Variants in PTPN3 observed in about 807,000 individuals in gnomAD.
PTPN3 encodes the protein tyrosine-protein phosphatase non-receptor type 3.
Under a neutral mutation model 132.7 loss-of-function variants are expected in PTPN3, and 96 were observed. The observed-to-expected ratio is 0.72, with a 90% CI of 0.61 to 0.86. PTPN3 has a LOEUF of 0.86. Among genes scored for constraint, PTPN3 ranks in the 40% least tolerant of loss-of-function variants. The probability of loss-of-function intolerance (pLI) is 0.00; values close to 1 mark genes in which losing one functional copy is unlikely to be tolerated. For missense variants in PTPN3, 1,125 were observed against 1,159.6 expected, an observed-to-expected ratio of 0.97 and a Z score of 0.43; for synonymous variants, 398 against 429.0, an observed-to-expected ratio of 0.93 and a Z score of 0.89.
At chr9:109,407,027 A>T (rs1841623910) in intron 17 of PTPN3, among the ~76,000 whole-genome samples, 1 of 152,230 alleles carries the variant, frequency 6.6e-6, no homozygotes, top group Non-Finnish European at 1.5e-5. Flanking sequence ...TAAGCTTCAC[A>T]ACAGAGGCAA....
intron 5 of PTPN3, among the ~76,000 whole-genome samples, chr9:109,452,233 A>T (rs559847893): frequency 7.3e-6 from 1 of 137,044 alleles, no homozygotes; most frequent in South Asian, 2.3e-4. Flanking sequence ...GCGCCACTGC[A>T]CTCCAGCCTG....
intron 1 of PTPN3, 39 bp from the exon 2 acceptor site, chr9:109,463,490 G>A (rs1465422947): frequency 3.2e-6 from 5 of 1,568,988 alleles, no homozygotes; most frequent in Admixed American, 1.9e-5. Context: ...TTTAATATGC[G>A]AATTGTCAGT....
At chr9:109,468,265 C>A (rs992356260) in intron 1 of PTPN3, among the ~76,000 whole-genome samples, 16 of 152,208 alleles carry the variant, frequency 1.1e-4, no homozygotes, top group Non-Finnish European at 1.8e-4. Context: ...AATATGGAAG[C>A]CAAGCTTGTT....
intron 1 of PTPN3, among the ~76,000 whole-genome samples, chr9:109,476,247 C>T (rs1846660246): frequency 6.6e-6 from 1 of 151,700 alleles, no homozygotes; most frequent in Admixed American, 6.6e-5. Flanking sequence ...ATGGGGTCAG[C>T]AAATTAATGA....
At chr9:109,521,563 T>G in the PTPN3 span, among the ~76,000 whole-genome samples, 92 of 152,200 alleles carry the variant, frequency 6.0e-4, no homozygotes, top group Non-Finnish European at 9.6e-4. Flanking sequence ...CTCTCATCCT[T>G]GGGGTGTCAG....
chr9:109,496,079 G>A (rs2132132500), intron 1 of PTPN3, among the ~76,000 whole-genome samples: 1 of 152,286 alleles, frequency 6.6e-6, no homozygotes, highest in Non-Finnish European at 1.5e-5. Flanking sequence ...ATATTCCCCA[G>A]CTAATGTCTA....
At chr9:109,462,334 G>A (rs1845884499) in intron 2 of PTPN3, among the ~76,000 whole-genome samples, 1 of 152,234 alleles carries the variant, frequency 6.6e-6, no homozygotes, top group Admixed American at 6.5e-5. Flanking sequence ...CCTACATCAA[G>A]GTCCATGATC....
intron 1 of PTPN3, among the ~76,000 whole-genome samples, chr9:109,481,946 A>G (rs1846978595): frequency 6.6e-6 from 1 of 152,216 alleles, no homozygotes; most frequent in Non-Finnish European, 1.5e-5. Flanking sequence ...CATTGTGTAC[A>G]GTCAGAAACT....
At chr9:109,423,743 G>A (rs1843044875) in intron 12 of PTPN3, among the ~76,000 whole-genome samples, 1 of 152,186 alleles carries the variant, frequency 6.6e-6, no homozygotes. Flanking sequence ...AATTATTTGA[G>A]AGAATAGAGC....
intron 22 of PTPN3, among the ~76,000 whole-genome samples, chr9:109,387,191 A>T (rs1225172304): frequency 6.6e-6 from 1 of 152,186 alleles, no homozygotes; most frequent in African/African-American, 2.4e-5. Context: ...GATGTGTCCT[A>T]TCAACAAATG....
At chr9:109,517,611 T>C in the PTPN3 span, among the ~76,000 whole-genome samples, 1 of 152,192 alleles carries the variant, frequency 6.6e-6, no homozygotes, top group African/African-American at 2.4e-5. Flanking sequence ...ATAGGTATTT[T>C]GATTTAGTAG....
chr9:109,471,061 C>CTT (rs370759165), intron 1 of PTPN3, among the ~76,000 whole-genome samples: 18 of 143,622 alleles, frequency 1.3e-4, no homozygotes, highest in East Asian at 2.0e-4. Context: ...ACATACGCAT[C>CTT]TTTTTTTTTT....
At chr9:109,390,036 C>T (rs1341852887) in intron 21 of PTPN3, among the ~76,000 whole-genome samples, 3 of 152,190 alleles carry the variant, frequency 2.0e-5, no homozygotes, top group Non-Finnish European at 4.4e-5. Context: ...CTCAGGTGAG[C>T]AAGGTAAAGG....
chr9:109,399,979 A>C (rs1840945870), intron 19 of PTPN3, among the ~76,000 whole-genome samples: 4 of 150,402 alleles, frequency 2.7e-5, no homozygotes, highest in African/African-American at 9.8e-5. Context: ...CCTGGCTGGA[A>C]TGCATTGGAG....
chr9:109,443,157 C>G (rs1364128684), intron 7 of PTPN3, among the ~76,000 whole-genome samples: 2 of 151,000 alleles, frequency 1.3e-5, no homozygotes, highest in African/African-American at 4.9e-5. Context: ...CTCACTGCAG[C>G]CTCAACCTCT....
At chr9:109,439,596 G>C (rs564957243) in intron 7 of PTPN3, among the ~76,000 whole-genome samples, 1 of 152,312 alleles carries the variant, frequency 6.6e-6, no homozygotes, top group Non-Finnish European at 1.5e-5. Context: ...CTGCTTGGGT[G>C]AATTTCACCA....
In PTPN3 at chr9:109,435,785, A is replaced by G. The variant is rs184395643; in HGVS notation, c.675+1098T>C. On this transcript the variant is annotated intron_variant, in intron 9 of 25. Coordinates refer to ENST00000374541, the MANE Select transcript of PTPN3 (RefSeq NM_002829.4). ...AGTTCTCTGAAACATTCTATCTAAG[A>G]TAAAATATTATTTGCAAATGGAATA... Among the ~76,000 whole-genome samples the G allele has an allele frequency of 5.1e-4, 77 of 152,352 alleles. No homozygotes were observed. The East Asian group carries it at 0.013, about 26-fold the overall frequency.
chr9:109,508,891 T>G, the PTPN3 span, among the ~76,000 whole-genome samples: 1 of 152,066 alleles, frequency 6.6e-6, no homozygotes, highest in East Asian at 1.9e-4. Flanking sequence ...CCAAGAGTCA[T>G]CTAGTTGTGT....
In PTPN3 at chr9:109,382,439, T is replaced by C; in HGVS notation, c.2391A>G (p.Glu797=). The change falls in exon 24 of 26, where the codon GAA becomes GAG. Residue 797 remains glutamate (E), a synonymous_variant. Transcript: ENST00000374541. ...EMLVTNTQTG[E]EHTVTHLQYV... is the part of the protein sequence containing the mutation. ...ACTGGAGATGTGTCACTGTGTGTTC[T>C]TCCCCGGTCTGTGGGAGATGCAGTG... The C allele has an allele frequency of 6.2e-7, 1 of 1,614,156 alleles. No individual in the cohort carries two copies. The highest frequency in any genetic ancestry group is 8.5e-7 in the Non-Finnish European group (1 of 1,180,044).
Sources: gnomAD v4.1 joint callset for allele counts (sites outside exome capture counted in the v4.1 genomes callset) on GRCh38, gnomAD v4.1.1 for gene constraint, MANE v1.5 for transcripts, NCBI Gene and HGNC (gene_info 2026-07-23, HGNC 2026-07-21) for gene names.